EGFLAM: variants seen among roughly 807,000 people sequenced by gnomAD.
EGFLAM encodes pikachurin.
A neutral mutation model predicts 113.1 loss-of-function variants in EGFLAM; 79 were observed. The observed-to-expected ratio is 0.70, with a 90% CI of 0.58 to 0.84. The LOEUF (loss-of-function observed/expected upper bound fraction) is 0.84, where lower values mean the gene tolerates loss of function less well. EGFLAM is among the 40% of genes least tolerant of loss of function. EGFLAM has a pLI of 0.00. For missense variants in EGFLAM, 1,265 were observed against 1,291.6 expected (o/e 0.98, Z 0.32); for synonymous variants, 504 against 487.6 (o/e 1.03, Z -0.44).
chr5:38,387,491 C>G (rs562085160), intron 6 of EGFLAM, among the ~76,000 whole-genome samples: 3 of 152,172 alleles, frequency 2.0e-5, no homozygotes, highest in Non-Finnish European at 4.4e-5. Context: ...GGTGTTTTCT[C>G]AAGGTGTAGG....
At chr5:38,286,954 C>A (rs2111776335) in intron 1 of EGFLAM, among the ~76,000 whole-genome samples, 1 of 152,268 alleles carries the variant, frequency 6.6e-6, no homozygotes, top group South Asian at 2.1e-4. Flanking sequence ...AAATAAAGTA[C>A]TTGACTGATA....
chr5:38,447,744 G>A (rs894047074), intron 17 of EGFLAM, among the ~76,000 whole-genome samples: 18 of 126,748 alleles, frequency 1.4e-4, no homozygotes, highest in South Asian at 4.8e-4. Context: ...CAACCAGAGC[G>A]AAACTTTGTT....
intron 6 of EGFLAM, among the ~76,000 whole-genome samples, chr5:38,374,118 G>A (rs1415666865): frequency 6.6e-6 from 1 of 152,156 alleles, no homozygotes; most frequent in African/African-American, 2.4e-5. Flanking sequence ...TTTCTCTGAT[G>A]ATTAGTGATG....
chr5:38,406,338 T>G, intron 7 of EGFLAM, 97 bp downstream of exon 7: 1 of 1,043,644 alleles, frequency 9.6e-7, no homozygotes, highest in South Asian at 1.5e-5. Flanking sequence ...TACTTAAAAC[T>G]TAAATGTGCC....
intron 1 of EGFLAM, among the ~76,000 whole-genome samples, chr5:38,281,968 G>C (rs1758032314): frequency 6.6e-6 from 1 of 152,196 alleles, no homozygotes; most frequent in African/African-American, 2.4e-5. Context: ...TTCATCTCTT[G>C]AGAGTCATCA....
chr5:38,318,867 C>T (rs1047571132), intron 1 of EGFLAM, among the ~76,000 whole-genome samples: 4 of 151,948 alleles, frequency 2.6e-5, no homozygotes, highest in South Asian at 4.2e-4. Context: ...CACAATAACT[C>T]GAAAAAGCCA....
intron 5 of EGFLAM, among the ~76,000 whole-genome samples, chr5:38,360,975 C>T (rs1739904456): frequency 6.6e-6 from 1 of 151,980 alleles, no homozygotes; most frequent in Non-Finnish European, 1.5e-5. Flanking sequence ...CTACCTCAGC[C>T]TCCCGAGTAG....
intron 5 of EGFLAM, among the ~76,000 whole-genome samples, chr5:38,358,775 T>G (rs1739836580): frequency 6.6e-6 from 1 of 152,180 alleles, no homozygotes; most frequent in East Asian, 1.9e-4. Context: ...TGGAGGCTAT[T>G]TGTTAGCTTT....
intron 3 of EGFLAM, among the ~76,000 whole-genome samples, chr5:38,347,565 C>G (rs1739506374): frequency 6.6e-6 from 1 of 151,994 alleles, no homozygotes; most frequent in Non-Finnish European, 1.5e-5. Flanking sequence ...GTGAGCCAGG[C>G]AGGAGTAGGG....
chr5:38,425,317 T>A (rs1445809083), intron 13 of EGFLAM, among the ~76,000 whole-genome samples: 1 of 152,124 alleles, frequency 6.6e-6, no homozygotes, highest in Non-Finnish European at 1.5e-5. Context: ...TAGCTGGAAC[T>A]ACAGGCGCCC....
chr5:38,380,655 A>G, intron 6 of EGFLAM, among the ~76,000 whole-genome samples: 1 of 152,242 alleles, frequency 6.6e-6, no homozygotes, highest in East Asian at 1.9e-4. Context: ...ATATAACTTC[A>G]GATGTAATTT....
intron 1 of EGFLAM, among the ~76,000 whole-genome samples, chr5:38,323,004 C>G (rs1738781664): frequency 6.6e-6 from 1 of 152,168 alleles, no homozygotes; most frequent in Non-Finnish European, 1.5e-5. Flanking sequence ...ATTCATAGTG[C>G]TGCTTTAATA....
intron 1 of EGFLAM, among the ~76,000 whole-genome samples, chr5:38,292,441 C>T (rs1758358184): frequency 6.6e-6 from 1 of 152,188 alleles, no homozygotes; most frequent in South Asian, 2.1e-4. Context: ...TGCCCAGTGG[C>T]GGTCTCTTGC....
intron 17 of EGFLAM, among the ~76,000 whole-genome samples, chr5:38,442,259 T>C (rs1414892515): frequency 1.3e-5 from 2 of 148,686 alleles, no homozygotes; most frequent in Non-Finnish European, 3.0e-5. Flanking sequence ...TAATATAATT[T>C]AATATATTAA....
At chr5:38,317,555 C>T (rs1579764834) in intron 1 of EGFLAM, among the ~76,000 whole-genome samples, 1 of 152,300 alleles carries the variant, frequency 6.6e-6, no homozygotes, top group East Asian at 1.9e-4. Flanking sequence ...GTTATCATCC[C>T]TAGCAAGTTC....
At chr5:38,308,186 C>T (rs944925989) in intron 1 of EGFLAM, among the ~76,000 whole-genome samples, 12 of 152,196 alleles carry the variant, frequency 7.9e-5, no homozygotes, top group African/African-American at 2.9e-4. Flanking sequence ...AAAAGGGTAG[C>T]CTTTACTACA....
intron 19 of EGFLAM, 129 bp from the exon 20 acceptor site, chr5:38,458,182 G>A: frequency 1.3e-6 from 1 of 743,902 alleles, no homozygotes; most frequent in Non-Finnish European, 2.1e-6. Flanking sequence ...TAACACTCTT[G>A]TTTTTTGTTA....
intron 7 of EGFLAM, 74 bp downstream of exon 7, chr5:38,406,315 A>G: frequency 7.7e-7 from 1 of 1,300,902 alleles, no homozygotes; most frequent in South Asian, 1.3e-5. Flanking sequence ...TAGCCAATGG[A>G]CCATAAACAT....
intron 1 of EGFLAM, among the ~76,000 whole-genome samples, chr5:38,303,333 T>C (rs1758640516): frequency 6.6e-6 from 1 of 152,220 alleles, no homozygotes; most frequent in Non-Finnish European, 1.5e-5. Context: ...CAATGGTAAT[T>C]ACAAGAACAC....
Sources: gnomAD v4.1 joint callset for allele counts (sites outside exome capture counted in the v4.1 genomes callset) on GRCh38, gnomAD v4.1.1 for gene constraint, MANE v1.5 for transcripts, NCBI Gene and HGNC (gene_info 2026-07-23, HGNC 2026-07-21) for gene names.